Variants in ROBO2 observed in about 807,000 individuals in gnomAD.
The protein encoded by ROBO2 is roundabout homolog 2.
A neutral mutation model predicts 160.8 loss-of-function variants in ROBO2; 53 were observed. The observed-to-expected ratio is 0.33, with a 90% CI of 0.26 to 0.41. ROBO2 has a LOEUF of 0.41. ROBO2 is among the 10% of genes least tolerant of loss of function. ROBO2 has a pLI of 1.00. For synonymous variants in ROBO2, 664 were observed against 611.7 expected (o/e 1.09, Z -1.26); for missense variants, 1,577 against 1,722.4 (o/e 0.92, Z 1.49).
intron 2 of ROBO2, among the ~76,000 whole-genome samples, chr3:76,124,993 C>T (rs1227234087): frequency 6.6e-6 from 1 of 152,036 alleles, no homozygotes; most frequent in East Asian, 1.9e-4. Flanking sequence ...AACCCATTCA[C>T]CCCCTCCTTC....
chr3:76,957,702 G>A (rs556610077), intron 2 of ROBO2, among the ~76,000 whole-genome samples: 4 of 151,834 alleles, frequency 2.6e-5, no homozygotes, highest in South Asian at 2.1e-4. Context: ...GTGGTGGCAC[G>A]TGTCTGTAAT....
intron 2 of ROBO2, among the ~76,000 whole-genome samples, chr3:76,216,603 G>A (rs941605422): frequency 6.6e-6 from 1 of 152,176 alleles, no homozygotes; most frequent in African/African-American, 2.4e-5. Context: ...TCAACAAGAA[G>A]AGCTAACTCT....
chr3:76,305,431 C>T (rs1458927095), intron 2 of ROBO2, among the ~76,000 whole-genome samples: 1 of 110,410 alleles, frequency 9.1e-6, no homozygotes, highest in Non-Finnish European at 1.7e-5. Context: ...AAAAGAACAG[C>T]ATTTGTTCTG....
chr3:77,168,583 A>C (rs2079324135), intron 2 of ROBO2, among the ~76,000 whole-genome samples: 1 of 152,164 alleles, frequency 6.6e-6, no homozygotes, highest in South Asian at 2.1e-4. Flanking sequence ...TATTAGTTGT[A>C]ATTATTTTTC....
intron 2 of ROBO2, among the ~76,000 whole-genome samples, chr3:76,348,306 GA>G (rs1253264277): frequency 6.6e-6 from 1 of 152,146 alleles, no homozygotes; most frequent in Non-Finnish European, 1.5e-5. Flanking sequence ...CAATCTTCCT[GA>G]CTGGAGATGC....
Position 76,187,049 on chromosome 3 carries a change from G to C in ROBO2, c.109+249447G>C, listed in dbSNP as rs187756558. On this transcript the variant is annotated intron_variant, in intron 2 of 26. Coordinates refer to the ROBO2 transcript ENST00000487694. ...CCATCCATAAATATTAGAATTTTTTGAAACTTTTTTCAAGACTTAAAAAAA... is the reference window on the plus strand; with the variant it reads ...CCATCCATAAATATTAGAATTTTTTCAAACTTTTTTCAAGACTTAAAAAAA... Among the ~76,000 whole-genome samples the C allele has an allele frequency of 1.7e-4, 22 of 127,998 alleles. No individual in the cohort carries two copies. In the East Asian group the frequency reaches 4.7e-3, roughly 27 times the overall value. 84.0% of individuals were successfully genotyped at this position (127,998 alleles called of 152,430 possible).
intron 2 of ROBO2, among the ~76,000 whole-genome samples, chr3:77,345,405 G>A (rs1001026258): frequency 2.6e-5 from 4 of 152,114 alleles, no homozygotes; most frequent in African/African-American, 9.7e-5. Context: ...CAAGGTGAGA[G>A]GGGTCTACAT....
intron 2 of ROBO2, among the ~76,000 whole-genome samples, chr3:76,693,276 A>C (rs1048555641): frequency 6.7e-6 from 1 of 148,764 alleles, no homozygotes; most frequent in African/African-American, 2.5e-5. Context: ...CTCTCTCTCT[A>C]TATATAGTGT....
intron 2 of ROBO2, among the ~76,000 whole-genome samples, chr3:76,610,466 G>C (rs9847519): frequency 0.032 from 4,880 of 152,260 alleles, 210 homozygotes; most frequent in African/African-American, 0.1. Context: ...TGAGGGGAAC[G>C]CAGTGGCACC....
chr3:76,007,368 A>C (rs976128650), intron 2 of ROBO2, among the ~76,000 whole-genome samples: 1 of 152,164 alleles, frequency 6.6e-6, no homozygotes, highest in Non-Finnish European at 1.5e-5. Flanking sequence ...AGGTAAAGTA[A>C]ATATTTTCAC....
At chr3:77,204,355 A>G (rs541960493) in intron 2 of ROBO2, among the ~76,000 whole-genome samples, 130 of 152,284 alleles carry the variant, frequency 8.5e-4, no homozygotes, top group Admixed American at 1.4e-3. Flanking sequence ...CATTATCCAA[A>G]CTGTAAGAAT....
chr3:77,250,297 G>A (rs1016653337), intron 2 of ROBO2, among the ~76,000 whole-genome samples: 4 of 152,138 alleles, frequency 2.6e-5, no homozygotes, highest in African/African-American at 9.7e-5. Flanking sequence ...ATCATTTTGA[G>A]GATTCCGTCT....
intron 2 of ROBO2, among the ~76,000 whole-genome samples, chr3:77,267,362 C>T (rs1278060039): frequency 6.6e-6 from 1 of 152,160 alleles, no homozygotes; most frequent in Non-Finnish European, 1.5e-5. Flanking sequence ...AGTTCTTGGA[C>T]ATCACAGGGA....
chr3:76,907,823 G>GGGGTGTGTGTGTGTGTGTGTGT (rs112697690), intron 2 of ROBO2, among the ~76,000 whole-genome samples: 2 of 145,432 alleles, frequency 1.4e-5, no homozygotes, highest in Non-Finnish European at 3.0e-5. Context: ...GTTTGTTTGG[G>GGGGTGTGTGTGTGTGTGTGTGT]GTGTGTGTGT....
chr3:76,322,446 T>C (rs777561960), intron 2 of ROBO2, among the ~76,000 whole-genome samples: 15 of 151,970 alleles, frequency 9.9e-5, no homozygotes, highest in Non-Finnish European at 1.9e-4. Flanking sequence ...AAAAGAGTTC[T>C]TCATATCATA....
At chr3:77,119,462 A>G (rs4333120) in intron 2 of ROBO2, among the ~76,000 whole-genome samples, 29,870 of 152,176 alleles carry the variant, frequency 0.2, 4,455 homozygotes, top group African/African-American at 0.41. Context: ...CATAAAGATT[A>G]CATGGATCAA....
At chr3:76,440,504 G>A (rs1038691149) in intron 2 of ROBO2, among the ~76,000 whole-genome samples, 6 of 152,078 alleles carry the variant, frequency 3.9e-5, no homozygotes, top group African/African-American at 1.4e-4. Context: ...GAATAGAGAA[G>A]TAGAAAAAGG....
chr3:76,257,108 A>G (rs1706445117), intron 2 of ROBO2, among the ~76,000 whole-genome samples: 2 of 151,976 alleles, frequency 1.3e-5, no homozygotes, highest in Admixed American at 6.6e-5. Context: ...AGCTCACAAC[A>G]TTAGGGATTA....
At chr3:77,017,172 C>T (rs2062321189) in intron 2 of ROBO2, among the ~76,000 whole-genome samples, 1 of 152,124 alleles carries the variant, frequency 6.6e-6, no homozygotes, top group Non-Finnish European at 1.5e-5. Context: ...CAACAAAAGT[C>T]TACTAGAATG....
Sources: gnomAD v4.1 joint callset for allele counts (sites outside exome capture counted in the v4.1 genomes callset) on GRCh38, gnomAD v4.1.1 for gene constraint, MANE v1.5 for transcripts, NCBI Gene and HGNC (gene_info 2026-07-23, HGNC 2026-07-21) for gene names.